The following RP1 variants were observed in gnomAD, a reference collection of about 807,000 sequenced individuals.
RP1 encodes RP1 axonemal microtubule associated, also known as oxygen-regulated protein 1.
RP1 carries 16 observed loss-of-function variants against 14.8 expected under a neutral mutation model. The ratio of observed to expected loss-of-function variants is 1.08; its 90% CI spans 0.73 to 1.65. RP1 has a LOEUF of 1.65. Ranked by LOEUF, RP1 falls within the 40% of genes most tolerant of loss-of-function variation. The pLI, the probability that RP1 is intolerant of heterozygous loss-of-function variation, is 0.00. For missense variants in RP1, 2,631 were observed against 2,535.0 expected, an observed-to-expected ratio of 1.04 and a Z score of -0.81; for synonymous variants, 876 against 883.6, an observed-to-expected ratio of 0.99 and a Z score of 0.15.
At chr8:54,796,056 A>G (rs765690390) in intron 24 of RP1, among the ~76,000 whole-genome samples, 2 of 152,058 alleles carry the variant, frequency 1.3e-5, no homozygotes, top group African/African-American at 2.4e-5. Context: ...TTCTTCAGCT[A>G]TTTTTCTCAA....
rs766563491 is a variant in RP1 at position 54,625,802 on chromosome 8, A to T, written c.1920A>T (p.Ala640=). Residue 640 remains alanine, a synonymous_variant, in exon 4 of 4, where the codon GCA becomes GCT. Coordinates refer to ENST00000220676, the MANE Select transcript of RP1 (RefSeq NM_006269.2). ...PASEASSTVT[A]RIDRLINEFA... ...CAGAAGCATCCTCTACTGTCACTGCAAGAATTGACAGACTAATTAATGAAT... is the reference window on the plus strand; with the variant it reads ...CAGAAGCATCCTCTACTGTCACTGCTAGAATTGACAGACTAATTAATGAAT... 6.2e-7 allele frequency: 1 copy of T among 1,613,474 alleles called. No homozygotes were observed. The highest frequency in any genetic ancestry group is 8.5e-7 in the Non-Finnish European group (1 of 1,179,984).
At chr8:54,701,587 T>C in exon 14 of RP1, 1 of 1,535,748 alleles carries the variant, frequency 6.5e-7, no homozygotes, top group Non-Finnish European at 8.7e-7. Flanking sequence ...TTGTTTTTGA[T>C]CGTCATGGCA....
At position 54,783,711 on chromosome 8, in the gene RP1, G is replaced by A. The variant is rs913902460; in HGVS notation, c.3615+1G>A. The A allele has an allele frequency of 1.8e-5, 22 of 1,229,592 alleles. No individual in the cohort carries two copies. Among genetic ancestry groups the A allele is most frequent in the Non-Finnish European group, 2.0e-5 (20 of 985,990 alleles). The allele number at this position is 1,229,592 out of a possible 1,614,324, so 76.2% of individuals were successfully genotyped here. Reference sequence around the variant, plus strand: ...CCCTAACACTGCAGATATATTCAAGGTAAAAATGATACAGCTATAACTTGT... The same window carrying A: ...CCCTAACACTGCAGATATATTCAAGATAAAAATGATACAGCTATAACTTGT... On this transcript the variant is annotated splice_donor_variant, in intron 24 of 28. Transcript: ENST00000637698. LOFTEE classifies it high-confidence loss of function.
At chr8:54,614,071 C>G (rs1455768511), upstream of RP1, among the ~76,000 whole-genome samples, 1 of 152,188 alleles carries the variant, frequency 6.6e-6, no homozygotes, top group Non-Finnish European at 1.5e-5. Context: ...ACCAATGAGC[C>G]TATAAAGCAG....
At chr8:54,739,092 A>C (rs937580565) in intron 19 of RP1, 19 of 1,217,576 alleles carry the variant, frequency 1.6e-5, no homozygotes, top group Admixed American at 4.6e-5. Flanking sequence ...CAAGCTGGCT[A>C]TGTAAAGCAG....
chr8:54,697,046 G>T (rs1313564196), intron 12 of RP1: 20 of 1,548,308 alleles, frequency 1.3e-5, no homozygotes, highest in Middle Eastern at 2.3e-4. Context: ...GGCCCGTCAC[G>T]CTACCAAAAA....
intron 17 of RP1, among the ~76,000 whole-genome samples, chr8:54,732,191 C>T (rs975981903): frequency 6.6e-6 from 1 of 152,182 alleles, no homozygotes; most frequent in Non-Finnish European, 1.5e-5. Flanking sequence ...TTAGAATGCT[C>T]TTCCTGTCTT....
At chr8:54,779,499 G>A (rs1373256471) in intron 23 of RP1, among the ~76,000 whole-genome samples, 2 of 152,110 alleles carry the variant, frequency 1.3e-5, no homozygotes, top group African/African-American at 2.4e-5. Context: ...AGACACAGGT[G>A]TTTCTATATT....
At chr8:54,759,450 T>C (rs1359443589) in intron 22 of RP1, among the ~76,000 whole-genome samples, 1 of 152,164 alleles carries the variant, frequency 6.6e-6, no homozygotes, top group Non-Finnish European at 1.5e-5. Context: ...GTGGAGAATA[T>C]TACAGAGAAG....
At chr8:54,779,529 C>A (rs1810130684) in intron 23 of RP1, among the ~76,000 whole-genome samples, 1 of 152,122 alleles carries the variant, frequency 6.6e-6, no homozygotes, top group Non-Finnish European at 1.5e-5. Flanking sequence ...GGTTAATTTT[C>A]TGAACTACAA....
At chr8:54,669,484 C>A (rs950096010) in intron 7 of RP1, among the ~76,000 whole-genome samples, 4 of 152,188 alleles carry the variant, frequency 2.6e-5, no homozygotes, top group Non-Finnish European at 4.4e-5. Context: ...CCTCAAGGAT[C>A]TAGAACTAGA....
intron 19 of RP1, among the ~76,000 whole-genome samples, chr8:54,748,408 T>G (rs1403757059): frequency 6.6e-6 from 1 of 152,186 alleles, no homozygotes; most frequent in Non-Finnish European, 1.5e-5. Flanking sequence ...CTCCAGTAGT[T>G]TATAGAAACA....
intron 26 of RP1, chr8:54,856,911 G>C (rs965351349): frequency 2.9e-6 from 1 of 346,222 alleles, no homozygotes; most frequent in African/African-American, 2.1e-5. Flanking sequence ...AATTTTTATA[G>C]TAGTAGTAAG....
At chr8:54,855,129 T>A (rs1812160281) in intron 26 of RP1, among the ~76,000 whole-genome samples, 1 of 152,212 alleles carries the variant, frequency 6.6e-6, no homozygotes, top group Non-Finnish European at 1.5e-5. Context: ...AGTTGACTAC[T>A]CTAGGTACCT....
chr8:54,857,305 TA>T (rs1339693298), intron 27 of RP1, among the ~76,000 whole-genome samples: 1 of 147,628 alleles, frequency 6.8e-6, no homozygotes, highest in Non-Finnish European at 1.5e-5. Context: ...TAATTATATT[TA>T]TATACTATAA....
intron 3 of RP1, among the ~76,000 whole-genome samples, chr8:54,624,286 T>C (rs1008862486): frequency 2.6e-5 from 4 of 151,292 alleles, no homozygotes; most frequent in African/African-American, 9.7e-5. Context: ...CGATTAAAAA[T>C]ACAAAACAAT....
chr8:54,566,636 T>A (rs547779274), intron 1 of RP1, among the ~76,000 whole-genome samples: 2 of 152,164 alleles, frequency 1.3e-5, no homozygotes, highest in Non-Finnish European at 2.9e-5. Context: ...TCTTAGTGGG[T>A]TAGTTCTTTT....
At chr8:54,868,569 G>A (rs1812511628) in intron 28 of RP1, among the ~76,000 whole-genome samples, 1 of 152,110 alleles carries the variant, frequency 6.6e-6, no homozygotes, top group Admixed American at 6.5e-5. Flanking sequence ...AGAAAGCAGG[G>A]GCTCTTGGTT....
intron 24 of RP1, among the ~76,000 whole-genome samples, chr8:54,814,560 G>A (rs913265977): frequency 6.6e-6 from 1 of 152,148 alleles, no homozygotes; most frequent in African/African-American, 2.4e-5. Flanking sequence ...GTCCTGGTAT[G>A]GAACTCAGCA....
Sources: gnomAD v4.1 joint callset for allele counts (sites outside exome capture counted in the v4.1 genomes callset) on GRCh38, gnomAD v4.1.1 for gene constraint, MANE v1.5 for transcripts, NCBI Gene and HGNC (gene_info 2026-07-23, HGNC 2026-07-21) for gene names.